Variants in ATAD2B observed in about 807,000 individuals in gnomAD.
ATAD2B encodes ATPase family AAA domain-containing protein 2B.
In ATAD2B, 40 loss-of-function variants were observed where a neutral mutation model predicts 167.6. The observed-to-expected ratio is 0.24, with a 90% CI of 0.19 to 0.31. The LOEUF (loss-of-function observed/expected upper bound fraction) is 0.31, where lower values mean the gene tolerates loss of function less well. Ranked by LOEUF, ATAD2B falls within the 10% of genes least tolerant of loss-of-function variation. ATAD2B has a pLI of 1.00. For missense variants in ATAD2B, 1,242 were observed against 1,757.2 expected, an observed-to-expected ratio of 0.71 and a Z score of 5.24; for synonymous variants, 579 against 596.5, an observed-to-expected ratio of 0.97 and a Z score of 0.43.
At chr2:23,738,096 G>A in the ATAD2B span, among the ~76,000 whole-genome samples, 2 of 152,196 alleles carry the variant, frequency 1.3e-5, no homozygotes. Flanking sequence ...AAGTGACGGG[G>A]AGAATGGAAC....
chr2:23,879,250 CAAAT>C (rs1160717166), intron 7 of ATAD2B, among the ~76,000 whole-genome samples: 1 of 150,748 alleles, frequency 6.6e-6, no homozygotes, highest in Non-Finnish European at 1.5e-5. Flanking sequence ...TGTCACATAA[CAAAT>C]GAATGGATAA....
intron 1 of ATAD2B, among the ~76,000 whole-genome samples, chr2:23,921,504 T>C (rs957930547): frequency 6.6e-6 from 1 of 152,232 alleles, no homozygotes; most frequent in African/African-American, 2.4e-5. Context: ...TTAGGAGACA[T>C]ACAATAAAAC....
chr2:23,889,677 T>G (rs1699190513), intron 2 of ATAD2B, among the ~76,000 whole-genome samples: 1 of 151,614 alleles, frequency 6.6e-6, no homozygotes. Context: ...CCCAGCACTT[T>G]GAGAGGCCGA....
In ATAD2B at chr2:23,757,441, T is replaced by A. The variant is rs573753330; in HGVS notation, c.4055A>T (p.Lys1352Ile). 1.3e-6 allele frequency: 2 copies of A among 1,509,012 alleles called. No individual in the cohort carries two copies. The highest frequency in any genetic ancestry group is 2.8e-5 in the African/African-American group (2 of 70,998). 93.5% of individuals were successfully genotyped at this position (1,509,012 alleles called of 1,614,324 possible). The change falls in exon 25 of 28, where the codon AAA becomes ATA. Residue 1352 changes from lysine to isoleucine, a missense_variant. Lys to Ile is a moderately radical substitution (Grantham distance 102, BLOSUM62 -3). This residue lies in a region of ATAD2B where 282 missense variants were observed against 346.8 expected (regional missense o/e 0.81). Transcript: ENST00000238789. The part of the protein sequence containing the change: ...KLEPGSDVEV[K>I]DAELDKEGAS... ...ACCTTCTTTATCCAGTTCTGCATCT[T>A]TAACCTCCACATCAGAGCCAGGTTC... is the stretch of plus-strand genomic sequence containing the variant.
In ATAD2B at chr2:23,867,880, C is replaced by T. The variant is rs774148364; in HGVS notation, c.1143G>A (p.Val381=). Residue 381 remains valine (V), a synonymous_variant, in exon 10 of 28, where the codon GTG becomes GTA. Coordinates refer to ENST00000238789, the MANE Select transcript of ATAD2B (RefSeq NM_017552.4). ...GATCAACATCAGCCAAGCTTGCACC[C>T]ACTTTCACTCGTTCTCGGAGAATAC... ...ASGILRERVK[V]GASLADVDPM... is the part of the protein sequence containing the mutation. 1 of 1,613,748 alleles carries T rather than the reference C, an allele frequency of 6.2e-7. No individual in the cohort carries two copies.
In ATAD2B at chr2:23,786,128, T is replaced by A; in HGVS notation, c.2872A>T (p.Asn958Tyr). The A allele has an allele frequency of 1.9e-6, 3 of 1,609,402 alleles. No individual in the cohort carries two copies. The highest frequency in any genetic ancestry group is 2.5e-6 in the Non-Finnish European group (3 of 1,177,748). The change falls in exon 21 of 28, where the codon AAT becomes TAT. Residue 958 changes from asparagine to tyrosine, a missense_variant. By Grantham distance (143) the Asn-to-Tyr change is moderately radical. This residue lies in a region of ATAD2B where 204 missense variants were observed against 324.0 expected (regional missense o/e 0.63). Coordinates refer to ENST00000238789, the MANE Select transcript of ATAD2B (RefSeq NM_017552.4). ...AACAACCGCAACTCTCTTAAAGTAT[T>A]TTCCTCCTGGTCCTCCATTCGACTT... Reference protein sequence around the residue: ...EKSRMEDQEENTLRELRLFLR... With the variant: ...EKSRMEDQEEYTLRELRLFLR...
chr2:23,763,747 G>A (rs1282398329), intron 23 of ATAD2B, among the ~76,000 whole-genome samples: 3 of 152,014 alleles, frequency 2.0e-5, no homozygotes, highest in Non-Finnish European at 4.4e-5. Context: ...ACACCACCAC[G>A]CCTAGCTAAT....
At chr2:23,766,142 A>G (rs1337405916) in intron 22 of ATAD2B, among the ~76,000 whole-genome samples, 1 of 152,202 alleles carries the variant, frequency 6.6e-6, no homozygotes, top group Non-Finnish European at 1.5e-5. Context: ...AGACTTTCTA[A>G]GCTAAAGGGC....
Position 23,888,284 on chromosome 2 carries a change from A to T in ATAD2B, c.418+66T>A, listed in dbSNP as rs1698983660. On this transcript the variant is annotated intron_variant, in intron 3 of 27. Coordinates refer to ENST00000238789, the MANE Select transcript of ATAD2B (RefSeq NM_017552.4). ...CTATTAAATCACTCTATTTTTCCCC[A>T]CTTTACTGCTTTCTCTAACATTGTA... 6 of 1,132,098 alleles carry T rather than the reference A, an allele frequency of 5.3e-6. No individual in the cohort carries two copies. The Admixed American group carries it at 1.2e-4, about 22-fold the overall frequency. The allele number at this position is 1,132,098 out of a possible 1,614,324, so 70.1% of individuals were successfully genotyped here.
At position 23,749,933 on chromosome 2, in the gene ATAD2B, T is replaced by C. The variant is rs1305147823; in HGVS notation, c.*2113A>G. ...GAATTAGAATAACTGGAATAAATAT[T>C]TAAAAAAAAATAGTGCAGCAAGAAC... On this transcript the variant is annotated 3_prime_UTR_variant, in exon 28 of 28. Coordinates refer to ENST00000238789, the MANE Select transcript of ATAD2B (RefSeq NM_017552.4). The C allele has an allele frequency of 6.6e-6, 1 of 151,838 alleles. No individual in the cohort carries two copies. Among genetic ancestry groups the C allele is most frequent in the Non-Finnish European group, 1.5e-5 (1 of 67,966 alleles). The allele number at this position is 151,838 out of a possible 1,614,324, so 9.4% of individuals were successfully genotyped here. A position where few individuals can be genotyped will look rare whatever the true frequency, so the allele number is the denominator to read the frequency against.
intron 27 of ATAD2B, among the ~76,000 whole-genome samples, chr2:23,753,430 AAACT>A (rs1675587233): frequency 6.6e-6 from 1 of 152,168 alleles, no homozygotes; most frequent in Admixed American, 6.6e-5. Flanking sequence ...CCAGATAAAC[AAACT>A]AACAGGCAAA....
At chr2:23,770,781 C>T (rs933608694) in intron 22 of ATAD2B, among the ~76,000 whole-genome samples, 1 of 152,188 alleles carries the variant, frequency 6.6e-6, no homozygotes, top group Non-Finnish European at 1.5e-5. Flanking sequence ...ATTAAGTCTT[C>T]CAGCTGTTTT....
intron 17 of ATAD2B, among the ~76,000 whole-genome samples, chr2:23,814,044 G>C (rs1686043512): frequency 6.6e-6 from 1 of 152,106 alleles, no homozygotes; most frequent in East Asian, 1.9e-4. Context: ...CTTGAGCTCA[G>C]GAGTTCAAGA....
At chr2:23,863,722 C>T (rs1261585878) in intron 11 of ATAD2B, among the ~76,000 whole-genome samples, 167 bp from the exon 12 acceptor site, 1 of 152,090 alleles carries the variant, frequency 6.6e-6, no homozygotes, top group African/African-American at 2.4e-5. Flanking sequence ...TTTGCTAAGT[C>T]CTTAAATCAC....
intron 1 of ATAD2B, among the ~76,000 whole-genome samples, chr2:23,899,456 A>T (rs147277227): frequency 6.6e-6 from 1 of 152,328 alleles, no homozygotes; most frequent in African/African-American, 2.4e-5. Context: ...TCCCAAGAAA[A>T]GCCAGCTAGC....
At chr2:23,885,585 A>G (rs1461748807) in intron 5 of ATAD2B, 142 bp downstream of exon 5, 7 of 540,568 alleles carry the variant, frequency 1.3e-5, no homozygotes, top group Non-Finnish European at 2.3e-5. Context: ...CAAGCAAGCA[A>G]TAAAATCCCA....
chr2:23,752,204 T>C, intron 27 of ATAD2B, 117 bp from the exon 28 acceptor site: 1 of 740,548 alleles, frequency 1.4e-6, no homozygotes, highest in South Asian at 1.7e-5. Flanking sequence ...GGTTAAACTT[T>C]GAATATTTTC....
chr2:23,920,780 G>GT (rs1308466725), intron 1 of ATAD2B, among the ~76,000 whole-genome samples: 3 of 151,960 alleles, frequency 2.0e-5, no homozygotes, highest in Non-Finnish European at 4.4e-5. Flanking sequence ...GTACTTCCAT[G>GT]TAACTTTTTA....
chr2:23,745,821 C>G (rs373323867), downstream of ATAD2B, among the ~76,000 whole-genome samples: 2 of 152,206 alleles, frequency 1.3e-5, no homozygotes, highest in East Asian at 1.9e-4. Context: ...TCTTTGCTGA[C>G]TAGACTGTAA....
Sources: allele counts gnomAD v4.1 joint callset (sites outside exome capture counted in the v4.1 genomes callset), GRCh38; gene constraint gnomAD v4.1.1; regional missense constraint gnomAD v4.1.1; transcripts MANE v1.5; gene names NCBI Gene and HGNC (gene_info 2026-07-23, HGNC 2026-07-21).